MME: variants seen among roughly 807,000 people sequenced by gnomAD.
MME encodes the protein membrane metalloendopeptidase, also known as neprilysin.
MME carries 98 observed loss-of-function variants against 113.2 expected under a neutral mutation model. The observed-to-expected ratio is 0.87, with a 90% CI of 0.74 to 1.02. The LOEUF (loss-of-function observed/expected upper bound fraction) is 1.02, where lower values mean the gene tolerates loss of function less well. Among genes scored for constraint, MME ranks in the 50% least tolerant of loss-of-function variants. The pLI is 0.00. For missense variants in MME, 836 were observed against 896.0 expected (o/e 0.93, Z 0.86); for synonymous variants, 292 against 300.6 (o/e 0.97, Z 0.30).
intron 3 of MME, 44 bp downstream of exon 3, chr3:155,085,138 T>A: frequency 7.9e-7 from 1 of 1,267,576 alleles, no homozygotes. Context: ...AACTGATGTA[T>A]AATATTTAAA....
At chr3:155,094,531 A>G (rs1197164349) in intron 3 of MME, among the ~76,000 whole-genome samples, 1 of 152,232 alleles carries the variant, frequency 6.6e-6, no homozygotes, top group Non-Finnish European at 1.5e-5. Context: ...AAAGGCGAAC[A>G]GTGTATTTTT....
chr3:155,171,235 G>T (rs1012986689), intron 20 of MME, among the ~76,000 whole-genome samples: 1 of 152,146 alleles, frequency 6.6e-6, no homozygotes, highest in Admixed American at 6.6e-5. Context: ...AACGTGTAAT[G>T]CCTTGCCCCC....
At chr3:155,128,704 A>G (rs905157663) in intron 8 of MME, among the ~76,000 whole-genome samples, 1 of 152,116 alleles carries the variant, frequency 6.6e-6, no homozygotes, top group African/African-American at 2.4e-5. Flanking sequence ...AAAACTGTAA[A>G]TGAAGTGGAA....
rs1713373459 is a variant in MME, at chr3:155,042,841, C to G, written c.-11+18517C>G. 3.6e-5 allele frequency among the ~76,000 whole-genome samples: 5 copies of G among 140,554 alleles called. No homozygotes were observed. In the South Asian group the frequency reaches 1.1e-3, roughly 31 times the overall value. The allele number at this position is 140,554 out of a possible 152,430, so 92.2% of individuals were successfully genotyped here. On this transcript the variant is annotated intron_variant, in intron 1 of 22. Coordinates refer to the MME transcript ENST00000492661. ...TTGCCTATTTTCTGCTACATTTTAT[C>G]TTAAGAGGCCATTCAAGTAAACCCC... is the stretch of plus-strand genomic sequence containing the variant.
At chr3:155,165,863 C>T (rs963985782) in intron 17 of MME, among the ~76,000 whole-genome samples, 1 of 152,100 alleles carries the variant, frequency 6.6e-6, no homozygotes, top group Admixed American at 6.5e-5. Context: ...CCTTCAAGGG[C>T]CATTAGCAGA....
intron 20 of MME, among the ~76,000 whole-genome samples, chr3:155,170,246 T>C (rs1018098087): frequency 6.6e-6 from 1 of 152,158 alleles, no homozygotes; most frequent in South Asian, 2.1e-4. Flanking sequence ...GATTTCGCCA[T>C]GTTGGCCAGG....
intron 9 of MME, 62 bp downstream of exon 9, chr3:155,138,298 C>G: frequency 6.6e-7 from 1 of 1,523,650 alleles, no homozygotes; most frequent in Non-Finnish European, 9.1e-7. Context: ...TCTTTCCCCT[C>G]TCTATCATAC....
At chr3:155,085,780 C>G (rs965201747) in intron 3 of MME, 1 of 152,420 alleles carries the variant, frequency 6.6e-6, no homozygotes, top group Non-Finnish European at 1.5e-5. Context: ...ATCTGCCCCC[C>G]TCGGCCTCAC....
At chr3:155,048,014 C>T (rs1220730456) in intron 1 of MME, among the ~76,000 whole-genome samples, 5 of 152,042 alleles carry the variant, frequency 3.3e-5, no homozygotes, top group Non-Finnish European at 7.4e-5. Context: ...TAGGTCTTTC[C>T]TGAGTAGGCT....
rs138145256 is a variant in MME at position 155,038,931 on chromosome 3, C to T, written c.-11+14607C>T. Among the ~76,000 whole-genome samples, 367 of 152,232 alleles carry T rather than the reference C, an allele frequency of 2.4e-3. 4 individuals carry two copies. Among genetic ancestry groups the T allele is most frequent in the Non-Finnish European group, 9.8e-4 (67 of 68,024 alleles). ...AGGTATCTCATTTGTTGAGTGTATTCCCTGTGATATTCATTCTCATTATTC... is the reference window on the plus strand; with the variant it reads ...AGGTATCTCATTTGTTGAGTGTATTTCCTGTGATATTCATTCTCATTATTC... On this transcript the variant is annotated intron_variant, in intron 1 of 22. Coordinates refer to the MME transcript ENST00000492661.
intron 1 of MME, among the ~76,000 whole-genome samples, chr3:155,060,248 A>T (rs1361684329): frequency 6.6e-6 from 1 of 152,166 alleles, no homozygotes; most frequent in Non-Finnish European, 1.5e-5. Flanking sequence ...GCTTGCTGAA[A>T]GCTGAAACCC....
In MME at chr3:155,147,208, A is replaced by G. The variant is rs1721583781; in HGVS notation, c.1481A>G (p.Asn494Ser). 1 of 1,601,494 alleles carries G rather than the reference A, an allele frequency of 6.2e-7. No individual in the cohort carries two copies. The highest frequency in any genetic ancestry group is 8.6e-7 in the Non-Finnish European group (1 of 1,168,682). The change falls in exon 15 of 23, where the codon AAT becomes AGT. Residue 494 changes from asparagine (N) to serine (S), a missense_variant. Coordinates refer to ENST00000360490, the MANE Select transcript of MME (RefSeq NM_007289.4). ...DDIVSNDNKLNNEYLELNYKE... is the reference protein window; with the variant it reads ...DDIVSNDNKLSNEYLELNYKE... Reference sequence around the variant, plus strand: ...ATTGTTTCAAATGATAACAAACTGAATAATGAGTACCTCGAGGTAAGTCTC... The same window carrying G: ...ATTGTTTCAAATGATAACAAACTGAGTAATGAGTACCTCGAGGTAAGTCTC...
At chr3:155,129,827 G>A (rs941776036) in intron 8 of MME, among the ~76,000 whole-genome samples, 3 of 152,152 alleles carry the variant, frequency 2.0e-5, no homozygotes, top group African/African-American at 7.2e-5. Flanking sequence ...CAATACGAAA[G>A]ATACACATGG....
chr3:155,093,116 T>C (rs1716432911), intron 3 of MME, among the ~76,000 whole-genome samples: 1 of 152,122 alleles, frequency 6.6e-6, no homozygotes, highest in Admixed American at 6.5e-5. Context: ...ATGTCCATTT[T>C]TACATAGTTA....
At chr3:155,029,798 A>G (rs1048339999) in intron 1 of MME, among the ~76,000 whole-genome samples, 5 of 152,102 alleles carry the variant, frequency 3.3e-5, no homozygotes, top group African/African-American at 1.2e-4. Context: ...GTTAGTTTCT[A>G]TTTTTCTGAT....
chr3:155,117,599 GT>G (rs5853715), intron 7 of MME, among the ~76,000 whole-genome samples: 4,597 of 131,326 alleles, frequency 0.035, 149 homozygotes, highest in African/African-American at 0.13. Flanking sequence ...TTTTTTTTTT[GT>G]TTTTTTTTTT....
At chr3:155,063,871 T>C (rs1207586259) in intron 1 of MME, among the ~76,000 whole-genome samples, 1 of 151,292 alleles carries the variant, frequency 6.6e-6, no homozygotes, top group Non-Finnish European at 1.5e-5. Context: ...GCCCTCAAAT[T>C]CATATGTTGA....
rs148441836 is a variant in MME at position 155,116,716 on chromosome 3, A to G, written c.492A>G (p.Ile164Met). 3 of 1,613,660 alleles carry G rather than the reference A, an allele frequency of 1.9e-6. No homozygotes were observed. Among genetic ancestry groups the G allele is most frequent in the South Asian group, 1.1e-5 (1 of 91,052 alleles). The change falls in exon 6 of 23, where the codon ATA becomes ATG. Residue 164 changes from isoleucine (I) to methionine (M), a missense_variant. Physicochemically the swap from Ile to Met is conservative, Grantham distance 10. Transcript: ENST00000360490. Reference sequence around the variant, plus strand: ...CTCTACTCAAACTGTTACCAGACATATATGGGTGGCCAGTAGCAACAGAAA... The same window carrying G: ...CTCTACTCAAACTGTTACCAGACATGTATGGGTGGCCAGTAGCAACAGAAA... ...GEPLLKLLPD[I>M]YGWPVATENW...
upstream of MME, among the ~76,000 whole-genome samples, chr3:155,078,836 G>T (rs1714876632): frequency 6.6e-6 from 1 of 152,020 alleles, no homozygotes; most frequent in Non-Finnish European, 1.5e-5. Context: ...AACTGCCTTT[G>T]TGCCTAAAGT....
Sources: allele counts gnomAD v4.1 joint callset (sites outside exome capture counted in the v4.1 genomes callset), GRCh38; gene constraint gnomAD v4.1.1; transcripts MANE v1.5; gene names NCBI Gene and HGNC (gene_info 2026-07-23, HGNC 2026-07-21).